Variants in ASIC2 observed in about 807,000 individuals in gnomAD.
The protein encoded by ASIC2 is acid sensing ion channel subunit 2, also known as acid-sensing ion channel 2.
ASIC2 carries 25 observed loss-of-function variants against 57.3 expected under a neutral mutation model. The ratio of observed to expected loss-of-function variants is 0.44; its 90% CI spans 0.32 to 0.61. The LOEUF is 0.61. Ranked by LOEUF, ASIC2 falls within the 20% of genes least tolerant of loss-of-function variation. ASIC2 has a pLI of 0.06. For missense variants in ASIC2, 641 were observed against 738.1 expected (o/e 0.87, Z 1.52); for synonymous variants, 319 against 307.5 (o/e 1.04, Z -0.39).
intron 1 of ASIC2, among the ~76,000 whole-genome samples, chr17:33,202,951 C>T (rs1002825958): frequency 1.3e-5 from 2 of 152,184 alleles, no homozygotes; most frequent in African/African-American, 4.8e-5. Context: ...GGCACTCACT[C>T]CTCTGCGTCC....
At chr17:33,540,417 G>C (rs1915370361) in intron 1 of ASIC2, among the ~76,000 whole-genome samples, 1 of 152,034 alleles carries the variant, frequency 6.6e-6, no homozygotes, top group South Asian at 2.1e-4. Flanking sequence ...TTTGGAGGGG[G>C]GCACAATTCA....
At chr17:34,065,129 A>G (rs1909123403) in intron 1 of ASIC2, among the ~76,000 whole-genome samples, 2 of 152,230 alleles carry the variant, frequency 1.3e-5, no homozygotes. Context: ...ACCAACCCAA[A>G]TGCCCATCAA....
chr17:33,692,319 G>C (rs1042547961), intron 1 of ASIC2: 2 of 152,080 alleles, frequency 1.3e-5, no homozygotes, highest in African/African-American at 4.8e-5. Context: ...AGTCTGGATA[G>C]GGCTGGAAGT....
At chr17:33,022,012 A>G (rs16570) in intron 6 of ASIC2, among the ~76,000 whole-genome samples, 44,243 of 152,036 alleles carry the variant, frequency 0.29, 6,907 homozygotes, top group Non-Finnish European at 0.35. Flanking sequence ...TGTGCCCACA[A>G]TTCCTCCAGT....
At chr17:33,946,233 T>C (rs1904370595) in intron 1 of ASIC2, among the ~76,000 whole-genome samples, 2 of 152,236 alleles carry the variant, frequency 1.3e-5, no homozygotes, top group East Asian at 3.9e-4. Context: ...AGAAGGCTGA[T>C]GATGTTGCCA....
chr17:33,859,171 A>G (rs917137264), intron 1 of ASIC2, among the ~76,000 whole-genome samples: 22 of 152,224 alleles, frequency 1.4e-4, no homozygotes, highest in African/African-American at 5.3e-4. Flanking sequence ...TAAAAATAAT[A>G]GTGTTGGGTT....
At chr17:33,486,782 G>A (rs1256968783) in intron 1 of ASIC2, among the ~76,000 whole-genome samples, 1 of 152,216 alleles carries the variant, frequency 6.6e-6, no homozygotes. Context: ...ATGTGCTACT[G>A]CTGTTCCTCC....
chr17:33,990,160 G>A (rs1290864160), intron 1 of ASIC2, among the ~76,000 whole-genome samples: 1 of 152,194 alleles, frequency 6.6e-6, no homozygotes, highest in African/African-American at 2.4e-5. Flanking sequence ...CAGAGAAGCA[G>A]CAGTATATAA....
At chr17:33,675,119 C>A (rs1183224947) in intron 1 of ASIC2, among the ~76,000 whole-genome samples, 4 of 152,190 alleles carry the variant, frequency 2.6e-5, no homozygotes, top group Admixed American at 2.6e-4. Context: ...AGACCAGTAC[C>A]AGGCACATAG....
chr17:34,152,560 G>C (rs34804865), intron 1 of ASIC2, among the ~76,000 whole-genome samples: 3,238 of 152,228 alleles, frequency 0.021, 108 homozygotes, highest in African/African-American at 0.073. Context: ...CATCAGGTCT[G>C]ACTCCTGTGA....
chr17:34,032,344 C>A (rs956883616), intron 1 of ASIC2, among the ~76,000 whole-genome samples: 16 of 152,276 alleles, frequency 1.1e-4, no homozygotes, highest in Non-Finnish European at 2.4e-4. Flanking sequence ...GCCTGCCCTA[C>A]AAGAGCTCCT....
At chr17:33,400,305 T>G (rs140168779) in intron 1 of ASIC2, among the ~76,000 whole-genome samples, 114 of 152,310 alleles carry the variant, frequency 7.5e-4, no homozygotes, top group African/African-American at 2.6e-3. Context: ...GAAGAAGCAG[T>G]GCTCAGGGAA....
At chr17:33,410,524 C>G (rs559502892) in intron 1 of ASIC2, among the ~76,000 whole-genome samples, 11 of 152,294 alleles carry the variant, frequency 7.2e-5, no homozygotes, top group Admixed American at 4.6e-4. Flanking sequence ...GACTCAAGCC[C>G]CCTCGGTAAG....
At chr17:33,116,524 G>C (rs2092281738) in intron 1 of ASIC2, among the ~76,000 whole-genome samples, 1 of 152,232 alleles carries the variant, frequency 6.6e-6, no homozygotes, top group African/African-American at 2.4e-5. Context: ...GGATGGCAGG[G>C]CTGCATTTGC....
intron 1 of ASIC2, among the ~76,000 whole-genome samples, chr17:33,344,922 C>G (rs1023867743): frequency 6.9e-6 from 1 of 144,746 alleles, no homozygotes; most frequent in Admixed American, 6.9e-5. Context: ...ATATATGCAA[C>G]AAAACCTTGG....
At chr17:33,027,579 GT>G (rs1203533618) in intron 4 of ASIC2, among the ~76,000 whole-genome samples, 1 of 152,174 alleles carries the variant, frequency 6.6e-6, no homozygotes, top group East Asian at 1.9e-4. Context: ...GTGTTTTAAA[GT>G]TCATAAACGT....
intron 1 of ASIC2, among the ~76,000 whole-genome samples, chr17:33,210,542 G>A (rs866998228): frequency 6.6e-6 from 1 of 152,154 alleles, no homozygotes; most frequent in Non-Finnish European, 1.5e-5. Flanking sequence ...CAGCCCATAT[G>A]GGTGAGACTG....
At chr17:33,036,327 A>G (rs550479507) in intron 3 of ASIC2, among the ~76,000 whole-genome samples, 1 of 152,252 alleles carries the variant, frequency 6.6e-6, no homozygotes, top group South Asian at 2.1e-4. Context: ...CAGATCCTAA[A>G]CTTGTGCTTG....
At chr17:33,403,323 C>G (rs533562530) in intron 1 of ASIC2, among the ~76,000 whole-genome samples, 1 of 152,306 alleles carries the variant, frequency 6.6e-6, no homozygotes, top group African/African-American at 2.4e-5. Context: ...ACCTCCACTT[C>G]CTTCTTCCCT....
Sources: gnomAD v4.1 joint callset for allele counts (sites outside exome capture counted in the v4.1 genomes callset) on GRCh38, gnomAD v4.1.1 for gene constraint, MANE v1.5 for transcripts, NCBI Gene and HGNC (gene_info 2026-07-23, HGNC 2026-07-21) for gene names.